The following ANO10 variants were observed in gnomAD, a reference collection of about 807,000 sequenced individuals.
ANO10 encodes the protein anoctamin-10.
A neutral mutation model predicts 74.7 loss-of-function variants in ANO10; 77 were observed. The ratio of observed to expected loss-of-function variants is 1.03; its 90% CI spans 0.86 to 1.25. The LOEUF is 1.25. Among genes scored for constraint, ANO10 ranks in the 50% most tolerant of loss-of-function variants. ANO10 has a pLI of 0.00. For synonymous variants in ANO10, 279 were observed against 284.9 expected, an observed-to-expected ratio of 0.98 and a Z score of 0.21; for missense variants, 721 against 778.1, an observed-to-expected ratio of 0.93 and a Z score of 0.87.
At chr3:43,416,161 G>A (rs1344610179) in intron 12 of ANO10, among the ~76,000 whole-genome samples, 1 of 152,148 alleles carries the variant, frequency 6.6e-6, no homozygotes, top group Non-Finnish European at 1.5e-5. Context: ...ACTAAAACCA[G>A]ACTTGCAAAT....
chr3:43,382,779 G>A (rs1303529513), intron 12 of ANO10, among the ~76,000 whole-genome samples: 1 of 152,146 alleles, frequency 6.6e-6, no homozygotes, highest in African/African-American at 2.4e-5. Flanking sequence ...ACCTAGAGGA[G>A]ACAGGTAAAT....
chr3:43,376,188 CATT>C (rs1210229157), intron 12 of ANO10, among the ~76,000 whole-genome samples: 2 of 152,204 alleles, frequency 1.3e-5, no homozygotes, highest in African/African-American at 4.8e-5. Context: ...GGAGCAGAAA[CATT>C]AATAAATTAT....
intron 12 of ANO10, among the ~76,000 whole-genome samples, chr3:43,383,547 A>C (rs2092032817): frequency 6.6e-6 from 1 of 152,150 alleles, no homozygotes; most frequent in African/African-American, 2.4e-5. Flanking sequence ...AAGTCAATAA[A>C]TGTGATATAC....
intron 11 of ANO10, among the ~76,000 whole-genome samples, chr3:43,436,973 C>G (rs187556786): frequency 6.6e-6 from 1 of 152,098 alleles, no homozygotes; most frequent in East Asian, 1.9e-4. Context: ...ATGGCAGCCA[C>G]GACTGAACAA....
intron 1 of ANO10, among the ~76,000 whole-genome samples, chr3:43,686,523 C>T (rs965922199): frequency 6.6e-6 from 1 of 152,068 alleles, no homozygotes; most frequent in South Asian, 2.1e-4. Flanking sequence ...TGGGCTCAAG[C>T]GATCCACCCA....
chr3:43,407,722 G>A (rs1423135430), intron 12 of ANO10, among the ~76,000 whole-genome samples: 2 of 152,244 alleles, frequency 1.3e-5, no homozygotes, highest in Non-Finnish European at 2.9e-5. Context: ...CCATGGTGGT[G>A]ATCCATGAGG....
intron 11 of ANO10, among the ~76,000 whole-genome samples, chr3:43,529,961 A>G (rs1295841583): frequency 6.6e-6 from 1 of 152,128 alleles, no homozygotes; most frequent in Non-Finnish European, 1.5e-5. Context: ...AATGAGCTTA[A>G]GACACTAATC....
intron 11 of ANO10, among the ~76,000 whole-genome samples, chr3:43,440,478 G>A (rs994407031): frequency 1.4e-4 from 21 of 152,132 alleles, no homozygotes; most frequent in African/African-American, 4.3e-4. Context: ...ATGTAAAAAC[G>A]AAAGGGCCAA....
chr3:43,587,389 A>G (rs2081527164), intron 4 of ANO10, among the ~76,000 whole-genome samples: 1 of 152,176 alleles, frequency 6.6e-6, no homozygotes, highest in Admixed American at 6.5e-5. Flanking sequence ...CTGCACAGAG[A>G]AACGGGGAGG....
intron 2 of ANO10, among the ~76,000 whole-genome samples, chr3:43,605,175 C>T (rs1421718234): frequency 1.3e-5 from 2 of 152,162 alleles, no homozygotes; most frequent in Non-Finnish European, 2.9e-5. Flanking sequence ...GAAAGTACTG[C>T]CATAGTGTCA....
intron 1 of ANO10, among the ~76,000 whole-genome samples, chr3:43,619,762 G>A (rs1466563441): frequency 6.6e-6 from 1 of 151,514 alleles, no homozygotes; most frequent in East Asian, 1.9e-4. Flanking sequence ...AGCTACCCAG[G>A]AGGCTGAGAT....
chr3:43,386,648 C>CAT (rs1553643241), intron 12 of ANO10, among the ~76,000 whole-genome samples: 2 of 139,996 alleles, frequency 1.4e-5, no homozygotes, highest in East Asian at 2.2e-4. Context: ...TAGGTGTGTA[C>CAT]GTGTGTGTGT....
chr3:43,410,356 T>A (rs868500580), intron 12 of ANO10, among the ~76,000 whole-genome samples: 1 of 152,122 alleles, frequency 6.6e-6, no homozygotes, highest in Non-Finnish European at 1.5e-5. Flanking sequence ...GCTTAAGAGA[T>A]CCTCTTGCTT....
At chr3:43,418,495 C>G (rs914058183) in intron 12 of ANO10, among the ~76,000 whole-genome samples, 3 of 152,152 alleles carry the variant, frequency 2.0e-5, no homozygotes, top group African/African-American at 7.2e-5. Flanking sequence ...ATTTCCTTTT[C>G]TTTTTCCATT....
chr3:43,561,054 A>G (rs1220414419), intron 9 of ANO10, among the ~76,000 whole-genome samples, 166 bp downstream of exon 9: 1 of 152,220 alleles, frequency 6.6e-6, no homozygotes, highest in Non-Finnish European at 1.5e-5. Flanking sequence ...TTCAATGCAA[A>G]GTTCTATCCC....
intron 1 of ANO10, among the ~76,000 whole-genome samples, chr3:43,607,334 T>TAA (rs113006272): frequency 2.5e-5 from 3 of 118,526 alleles, no homozygotes; most frequent in African/African-American, 6.0e-5. Context: ...AGACCCTGTC[T>TAA]AAAAAAAAAA....
chr3:43,642,791 T>A (rs1299202152), intron 1 of ANO10, among the ~76,000 whole-genome samples: 2 of 152,146 alleles, frequency 1.3e-5, no homozygotes, highest in Non-Finnish European at 2.9e-5. Context: ...TAGCATACTA[T>A]ACTAACTTTT....
chr3:43,582,325 G>A (rs992311190), intron 4 of ANO10, among the ~76,000 whole-genome samples: 1 of 152,038 alleles, frequency 6.6e-6, no homozygotes, highest in Non-Finnish European at 1.5e-5. Flanking sequence ...GGTGGCGGGC[G>A]CCTGTAGTCC....
At chr3:43,430,093 T>C (rs1229327398) in intron 12 of ANO10, among the ~76,000 whole-genome samples, 1 of 152,204 alleles carries the variant, frequency 6.6e-6, no homozygotes, top group African/African-American at 2.4e-5. Context: ...TGTTTAAATT[T>C]ATATTTCTTT....
Sources: gnomAD v4.1 joint callset for allele counts (sites outside exome capture counted in the v4.1 genomes callset) on GRCh38, gnomAD v4.1.1 for gene constraint, MANE v1.5 for transcripts, NCBI Gene and HGNC (gene_info 2026-07-23, HGNC 2026-07-21) for gene names.